Variants in SS18L1 observed in about 807,000 individuals in gnomAD.
SS18L1 encodes calcium-responsive transactivator.
SS18L1 carries 32 observed loss-of-function variants against 70.3 expected under a neutral mutation model. The ratio of observed to expected loss-of-function variants is 0.46; its 90% CI spans 0.34 to 0.61. The LOEUF is 0.61. Among genes scored for constraint, SS18L1 ranks in the 20% least tolerant of loss-of-function variants. The probability of loss-of-function intolerance (pLI) is 0.01; values close to 1 mark genes in which losing one functional copy is unlikely to be tolerated. For missense variants in SS18L1, 430 were observed against 542.1 expected, an observed-to-expected ratio of 0.79 and a Z score of 2.05; for synonymous variants, 237 against 229.7, an observed-to-expected ratio of 1.03 and a Z score of -0.29.
rs891027701 is a variant in SS18L1 at position 62,155,099 on chromosome 20, T to A, written c.70-3573T>A. On this transcript the variant is annotated intron_variant, in intron 1 of 10. Coordinates refer to ENST00000331758, the MANE Select transcript of SS18L1 (RefSeq NM_198935.3). The stretch of plus-strand genomic sequence containing the variant: ...TGAGGATATTAATAATAGGTTTTGT[T>A]GGATTTTTTTAAAAAGTTTCAGGCC... 4.6e-5 allele frequency among the ~76,000 whole-genome samples: 7 copies of A among 152,204 alleles called. No individual in the cohort carries two copies. In the East Asian group the frequency reaches 1.2e-3, roughly 25 times the overall value.
chr20:62,165,692 G>T (rs1158884294), intron 8 of SS18L1, among the ~76,000 whole-genome samples, 178 bp downstream of exon 8: 1 of 152,248 alleles, frequency 6.6e-6, no homozygotes, highest in Non-Finnish European at 1.5e-5. Context: ...TGTGTCGGGA[G>T]CCCCGCTTGC....
intron 8 of SS18L1, among the ~76,000 whole-genome samples, chr20:62,165,768 T>G (rs2057417924): frequency 6.6e-6 from 1 of 151,756 alleles, no homozygotes; most frequent in Non-Finnish European, 1.5e-5. Context: ...GGGCACAGAC[T>G]TGGTTATTGG....
rs891537275 is a variant in SS18L1 at position 62,164,173 on chromosome 20, G to A, written c.750G>A (p.Glu250=). Residue 250 remains glutamate, a synonymous_variant, in exon 7 of 11, where the codon GAG becomes GAA. Transcript: ENST00000331758. The part of the protein sequence containing the change: ...QGSSQQYLGQ[E]EYYGEQYSHS... ...CTTCCCAGCAGTACCTGGGCCAGGA[G>A]GAGTACTATGGCGAGCAGTACAGCC... 1.3e-6 allele frequency: 2 copies of A among 1,550,052 alleles called. No homozygotes were observed. Among genetic ancestry groups the A allele is most frequent in the South Asian group, 1.2e-5 (1 of 84,016 alleles).
At chr20:62,173,467 T>C (rs1219261716) in intron 9 of SS18L1, among the ~76,000 whole-genome samples, 1 of 152,178 alleles carries the variant, frequency 6.6e-6, no homozygotes, top group South Asian at 2.1e-4. Context: ...CCCAGCACTT[T>C]GGGAGGCTGA....
At chr20:62,153,175 C>T (rs1482892119) in intron 1 of SS18L1, among the ~76,000 whole-genome samples, 4 of 152,156 alleles carry the variant, frequency 2.6e-5, no homozygotes, top group Admixed American at 2.6e-4. Context: ...CTTGTAAAAC[C>T]AACAGATCTC....
chr20:62,163,881 C>T (rs542024639), intron 6 of SS18L1, among the ~76,000 whole-genome samples: 22 of 152,186 alleles, frequency 1.4e-4, no homozygotes, highest in African/African-American at 4.3e-4. Context: ...TGTCACAGGC[C>T]GGGCTCATGC....
intron 5 of SS18L1, 55 bp from the exon 6 acceptor site, chr20:62,163,403 G>C: frequency 6.2e-7 from 1 of 1,606,484 alleles, no homozygotes; most frequent in East Asian, 2.2e-5. Context: ...TTGGGTGTGG[G>C]AGGGAGGGCG....
chr20:62,158,791 CAG>C lies in SS18L1; in HGVS notation c.146+46_146+47del. ...ACCGGAACACTTGGAGGGTGTCATG[CAG>C]AGTCTAAGCACAGAGGCCAGATACG... On this transcript the variant is annotated intron_variant, in intron 2 of 10. Transcript: ENST00000331758. This position sits in a 1 kb window ranked among gnomAD's most constrained non-coding sequence, Gnocchi z 4.5. 3 of 1,612,842 alleles carry C rather than the reference CAG, an allele frequency of 1.9e-6. No homozygotes were observed. The highest frequency in any genetic ancestry group is 2.5e-6 in the Non-Finnish European group (3 of 1,179,912).
chr20:62,155,562 C>T (rs1036683231), intron 1 of SS18L1, among the ~76,000 whole-genome samples: 1 of 152,046 alleles, frequency 6.6e-6, no homozygotes, highest in Non-Finnish European at 1.5e-5. Flanking sequence ...GGGGCACTGC[C>T]TGCTATGCTC....
chr20:62,162,872 G>T lies in SS18L1; in HGVS notation c.497G>T (p.Gly166Val), dbSNP rs773106479. Residue 166 changes from glycine to valine, a missense_variant, in exon 5 of 11, where the codon GGG becomes GTG. Gly to Val is a moderately radical substitution (Grantham distance 109). Transcript: ENST00000331758. ...GCCTCGCAGGGCGTCCCCATGCAGG[G>T]GCAAGGCACCATCGGCAACTACGTG... ...GPASQGVPMQGQGTIGNYVSR... is the reference protein window; with the variant it reads ...GPASQGVPMQVQGTIGNYVSR... The T allele has an allele frequency of 6.2e-7, 1 of 1,612,844 alleles. No homozygotes were observed. Among genetic ancestry groups the T allele is most frequent in the East Asian group, 2.2e-5 (1 of 44,846 alleles).
At chr20:62,168,940 G>T (rs929810253) in intron 8 of SS18L1, among the ~76,000 whole-genome samples, 12 of 152,154 alleles carry the variant, frequency 7.9e-5, no homozygotes, top group Admixed American at 7.2e-4. Flanking sequence ...AAACGAGAGG[G>T]TGTTCATGCG....
At position 62,162,841 on chromosome 20, in the gene SS18L1, G is replaced by C; in HGVS notation, c.466G>C (p.Gly156Arg). ...CTCTGGGCCCGGCTACAGCCACGCG[G>C]GACCCGCCTCGCAGGGCGTCCCCAT... ...SISGPGYSHA[G>R]PASQGVPMQG... is the part of the protein sequence containing the mutation. The change falls in exon 5 of 11, where the codon GGA becomes CGA. Residue 156 changes from glycine (G) to arginine (R), a missense_variant. Transcript: ENST00000331758. The C allele has an allele frequency of 5.0e-6, 8 of 1,612,872 alleles. No homozygotes were observed. The highest frequency in any genetic ancestry group is 5.1e-6 in the Non-Finnish European group (6 of 1,179,946).
At chr20:62,155,606 T>A (rs1213111502) in intron 1 of SS18L1, among the ~76,000 whole-genome samples, 3 of 151,944 alleles carry the variant, frequency 2.0e-5, no homozygotes, top group Non-Finnish European at 4.4e-5. Context: ...CACTCTGAGG[T>A]GCTCTTTCCC....
rs2057231212 is a variant in SS18L1, at chr20:62,156,799, G to C, written c.70-1873G>C. Among the ~76,000 whole-genome samples the C allele has an allele frequency of 1.3e-5, 2 of 152,228 alleles. 1 individual carries two copies. Among genetic ancestry groups the C allele is most frequent in the South Asian group, 4.1e-4 (2 of 4,834 alleles). ...AGGCAGGTGGGCTCCTCCTCCCCTT[G>C]CCCTGGGGCTCCCCTGCTCCAGGGC... On this transcript the variant is annotated intron_variant, in intron 1 of 10. Transcript: ENST00000331758.
At chr20:62,175,389 T>C (rs2057603685) in intron 10 of SS18L1, 15 of 985,030 alleles carry the variant, frequency 1.5e-5, no homozygotes, top group Middle Eastern at 5.2e-4. Context: ...GAGGACAGGG[T>C]CTGTGTGGTG....
chr20:62,174,873 C>T lies in SS18L1; in HGVS notation c.1164+229C>T, dbSNP rs1252901203. The T allele has an allele frequency of 1.4e-6, 2 of 1,419,360 alleles. No individual in the cohort carries two copies. The highest frequency in any genetic ancestry group is 1.8e-6 in the Non-Finnish European group (2 of 1,083,510). The allele number at this position is 1,419,360 out of a possible 1,614,324, so 87.9% of individuals were successfully genotyped here. A position where few individuals can be genotyped will look rare whatever the true frequency, so the allele number is the denominator to read the frequency against. ...TCATACCCTAAGCTCACCGTTAGAT[C>T]TGCACGCCTGGTTCTCACATTCATT... On this transcript the variant is annotated intron_variant, in intron 10 of 10. Transcript: ENST00000331758. The surrounding 1 kb of genome is among the most constrained non-coding windows in gnomAD (Gnocchi z 4.1).
intron 1 of SS18L1, among the ~76,000 whole-genome samples, chr20:62,149,924 T>C (rs2057097371): frequency 6.6e-6 from 1 of 152,270 alleles, no homozygotes; most frequent in East Asian, 1.9e-4. Context: ...GTCTCCAGCT[T>C]GGAAACTGTC....
In SS18L1 at chr20:62,174,173, A is replaced by T. The variant is rs1226364691; in HGVS notation, c.1037-344A>T. On this transcript the variant is annotated intron_variant, in intron 9 of 10. Transcript: ENST00000331758. The surrounding 1 kb of genome is among the most constrained non-coding windows in gnomAD (Gnocchi z 4.1). ...TACAGCAGCCAGTGTGACTGGGGCC[A>T]GCGGGTTCTGGAGGGCTGTCCTGCC... Among the ~76,000 whole-genome samples the T allele has an allele frequency of 6.6e-6, 1 of 152,116 alleles. No individual in the cohort carries two copies. Among genetic ancestry groups the T allele is most frequent in the Non-Finnish European group, 1.5e-5 (1 of 68,020 alleles).
chr20:62,154,436 C>G, intron 1 of SS18L1: 1 of 1,038,524 alleles, frequency 9.6e-7, no homozygotes, highest in Non-Finnish European at 1.2e-6. Context: ...CCCTCAGGAT[C>G]AGACCGTAGC....
Sources: allele counts gnomAD v4.1 joint callset (sites outside exome capture counted in the v4.1 genomes callset), GRCh38; gene constraint gnomAD v4.1.1; non-coding constraint Gnocchi (gnomAD v3.1); transcripts MANE v1.5; gene names NCBI Gene and HGNC (gene_info 2026-07-23, HGNC 2026-07-21).